The following TLE4 variants were observed in gnomAD, a reference collection of about 807,000 sequenced individuals.
The protein encoded by TLE4 is transducin-like enhancer protein 4.
Under a neutral mutation model 92.8 loss-of-function variants are expected in TLE4, and 8 were observed. That is an observed-to-expected ratio of 0.09 (90% CI 0.05 to 0.16). The LOEUF is 0.16. Ranked by LOEUF, TLE4 falls within the 10% of genes least tolerant of loss-of-function variation. The pLI is 1.00. For missense variants in TLE4, 675 were observed against 997.6 expected, an observed-to-expected ratio of 0.68 and a Z score of 4.36; for synonymous variants, 371 against 374.1, an observed-to-expected ratio of 0.99 and a Z score of 0.10.
chr9:79,723,518 G>A (rs950398433), intron 19 of TLE4, among the ~76,000 whole-genome samples: 1 of 152,090 alleles, frequency 6.6e-6, no homozygotes, highest in African/African-American at 2.4e-5. Flanking sequence ...TGTATAGCTT[G>A]TGAAATTATT....
rs758791490 is a variant in TLE4, at chr9:79,572,752, G to C, written c.-39G>C. The C allele has an allele frequency of 2.5e-6, 4 of 1,589,338 alleles. No individual in the cohort carries two copies. Among genetic ancestry groups the C allele is most frequent in the African/African-American group, 2.8e-5 (2 of 72,048 alleles). On this transcript the variant is annotated 5_prime_UTR_variant, in exon 1 of 20. Transcript: ENST00000376552. ...TCGGGGTCATTAAAGCCAATGAGCCGCGCGCCTCTGCCGAGCGCAGCCAAC... is the reference window on the plus strand; with the variant it reads ...TCGGGGTCATTAAAGCCAATGAGCCCCGCGCCTCTGCCGAGCGCAGCCAAC...
In TLE4 at chr9:79,726,478, C is replaced by T. The variant is rs1281649492; in HGVS notation, c.*1334C>T. The T allele has an allele frequency of 1.3e-5, 2 of 152,500 alleles. No individual in the cohort carries two copies. The highest frequency in any genetic ancestry group is 1.3e-4 in the Admixed American group (2 of 15,262). 9.4% of individuals were successfully genotyped at this position (152,500 alleles called of 1,614,324 possible). A position where few individuals can be genotyped will look rare whatever the true frequency, so the allele number is the denominator to read the frequency against. On this transcript the variant is annotated 3_prime_UTR_variant, in exon 20 of 20. Transcript: ENST00000376552. The stretch of plus-strand genomic sequence containing the variant: ...AAGTAGAAAATTACTTAATTTCATA[C>T]TAGAAATGGATGGATGCTGCAAGTT...
intron 8 of TLE4, chr9:79,693,645 C>G (rs201643402): frequency 2.0e-4 from 102 of 518,044 alleles, no homozygotes; most frequent in African/African-American, 1.9e-3. Context: ...GAGAGACAAA[C>G]TCAACCACAA....
chr9:79,664,633 C>T (rs1435129278), intron 8 of TLE4, among the ~76,000 whole-genome samples: 3 of 152,168 alleles, frequency 2.0e-5, no homozygotes, highest in Non-Finnish European at 4.4e-5. Flanking sequence ...AATACGTAAG[C>T]GTCCAGGAAC....
intron 4 of TLE4, among the ~76,000 whole-genome samples, chr9:79,582,551 G>A (rs1395344333): frequency 6.7e-6 from 1 of 149,178 alleles, no homozygotes; most frequent in African/African-American, 2.5e-5. Context: ...TTTTTTTCTT[G>A]TGTTATAAGA....
chr9:79,722,391 C>A (rs1033669063), intron 17 of TLE4, 60 bp from the exon 18 acceptor site: 1 of 1,579,410 alleles, frequency 6.3e-7, no homozygotes, highest in African/African-American at 1.4e-5. Context: ...GATAGTACCT[C>A]CCAGATAAAA....
At chr9:79,594,332 C>A (rs2043415458) in intron 4 of TLE4, among the ~76,000 whole-genome samples, 1 of 152,162 alleles carries the variant, frequency 6.6e-6, no homozygotes, top group Admixed American at 6.5e-5. Flanking sequence ...AAATGTCTTC[C>A]ATTTCTACAT....
At chr9:79,617,887 G>A (rs913125610) in intron 5 of TLE4, among the ~76,000 whole-genome samples, 9 of 151,918 alleles carry the variant, frequency 5.9e-5, no homozygotes, top group East Asian at 1.9e-4. Context: ...AGTTGACAGC[G>A]AAGCCATCTA....
At chr9:79,594,630 T>C (rs576740180) in intron 4 of TLE4, among the ~76,000 whole-genome samples, 2 of 152,294 alleles carry the variant, frequency 1.3e-5, no homozygotes, top group East Asian at 1.9e-4. Context: ...TGGGTTGTTA[T>C]ATTTGCTGTA....
chr9:79,693,034 A>G (rs997547112), intron 8 of TLE4, among the ~76,000 whole-genome samples: 5 of 152,170 alleles, frequency 3.3e-5, no homozygotes, highest in African/African-American at 9.7e-5. Context: ...TCATGAGTGC[A>G]TGTGTATTCC....
intron 5 of TLE4, among the ~76,000 whole-genome samples, chr9:79,616,710 A>G (rs928081252): frequency 1.3e-5 from 2 of 152,180 alleles, no homozygotes. Flanking sequence ...TTGCCAATAA[A>G]TATTGTATTG....
At chr9:79,628,908 G>GTGTGTA (rs1554722966) in intron 6 of TLE4, among the ~76,000 whole-genome samples, 107 of 142,774 alleles carry the variant, frequency 7.5e-4, no homozygotes, top group African/African-American at 2.3e-3. Flanking sequence ...GTGTGTGTGT[G>GTGTGTA]TATATGTATA....
intron 4 of TLE4, among the ~76,000 whole-genome samples, chr9:79,593,275 C>T (rs1366261438): frequency 5.9e-5 from 9 of 151,956 alleles, no homozygotes; most frequent in African/African-American, 4.8e-5. Flanking sequence ...CAGAAACATA[C>T]GTTGCTTTAT....
rs1268841879 is a variant in TLE4, at chr9:79,722,572, G to C, written c.2108G>C (p.Cys703Ser). Reference protein sequence around the residue: ...DKYQLHLHESCVLSLKFAHCG... With the variant: ...DKYQLHLHESSVLSLKFAHCG... ...TACCAACTACATCTTCATGAGAGCT[G>C]TGTGCTGTCGCTCAAGTTTGCCCAT... The change falls in exon 18 of 20, where the codon TGT becomes TCT. Residue 703 changes from cysteine to serine, a missense_variant. Around this residue, in one of 5 missense-constraint regions of TLE4, gnomAD observed 170 missense variants for 359.6 expected, o/e 0.47. Coordinates refer to ENST00000376552, the MANE Select transcript of TLE4 (RefSeq NM_007005.6). 6.2e-7 allele frequency: 1 copy of C among 1,614,166 alleles called. No homozygotes were observed. The highest frequency in any genetic ancestry group is 1.1e-5 in the South Asian group (1 of 91,078).
intron 8 of TLE4, among the ~76,000 whole-genome samples, chr9:79,654,611 C>G (rs2059509496): frequency 6.6e-6 from 1 of 151,020 alleles, no homozygotes; most frequent in South Asian, 2.1e-4. Flanking sequence ...AGTTAATTCT[C>G]TTTAGGTTTT....
intron 4 of TLE4, among the ~76,000 whole-genome samples, chr9:79,588,826 T>G (rs1457378578): frequency 6.6e-6 from 1 of 152,176 alleles, no homozygotes; most frequent in East Asian, 1.9e-4. Context: ...GTTCTGGAAT[T>G]TATATGCATA....
At chr9:79,626,130 G>A (rs928344146) in intron 5 of TLE4, among the ~76,000 whole-genome samples, 1 of 152,012 alleles carries the variant, frequency 6.6e-6, no homozygotes, top group Admixed American at 6.6e-5. Flanking sequence ...AATTAAAGTC[G>A]TTTCCTTTTC....
At chr9:79,581,059 A>G (rs2791568) in intron 4 of TLE4, among the ~76,000 whole-genome samples, 6,580 of 152,238 alleles carry the variant, frequency 0.043, 179 homozygotes, top group Non-Finnish European at 0.067. Flanking sequence ...GATTATTTAC[A>G]CGCTGATAAT....
At chr9:79,619,253 T>C (rs1436828946) in intron 5 of TLE4, among the ~76,000 whole-genome samples, 5 of 152,252 alleles carry the variant, frequency 3.3e-5, no homozygotes, top group African/African-American at 1.2e-4. Context: ...TTGGTCCATG[T>C]AATTTGATGG....
Sources: allele counts gnomAD v4.1 joint callset (sites outside exome capture counted in the v4.1 genomes callset), GRCh38; gene constraint gnomAD v4.1.1; regional missense constraint gnomAD v4.1.1; transcripts MANE v1.5; gene names NCBI Gene and HGNC (gene_info 2026-07-23, HGNC 2026-07-21).